Variants in ROBO1 observed in about 807,000 individuals in gnomAD.
ROBO1 encodes the protein roundabout homolog 1.
A neutral mutation model predicts 195.9 loss-of-function variants in ROBO1; 149 were observed. The ratio of observed to expected loss-of-function variants is 0.76; its 90% CI spans 0.67 to 0.87. The LOEUF (loss-of-function observed/expected upper bound fraction) is 0.87, where lower values mean the gene tolerates loss of function less well. Among genes scored for constraint, ROBO1 ranks in the 40% least tolerant of loss-of-function variants. The pLI is 0.00. For synonymous variants in ROBO1, 816 were observed against 733.2 expected (o/e 1.11, Z -1.82); for missense variants, 1,933 against 2,068.3 (o/e 0.93, Z 1.27).
chr3:79,036,767 C>G (rs2078387568), intron 3 of ROBO1, among the ~76,000 whole-genome samples: 2 of 152,088 alleles, frequency 1.3e-5, no homozygotes, highest in South Asian at 4.1e-4. Context: ...TTAAGAATTA[C>G]TGAATTATCC....
chr3:79,218,985 AT>A (rs2082096186), intron 2 of ROBO1, among the ~76,000 whole-genome samples: 1 of 152,036 alleles, frequency 6.6e-6, no homozygotes, highest in African/African-American at 2.4e-5. Flanking sequence ...CATAAACTAT[AT>A]TAAACTGCTC....
At chr3:79,227,483 C>T (rs1194550106) in intron 2 of ROBO1, among the ~76,000 whole-genome samples, 2 of 152,058 alleles carry the variant, frequency 1.3e-5, no homozygotes, top group African/African-American at 4.8e-5. Flanking sequence ...AGAATATGTC[C>T]CAGCCAAACT....
At chr3:79,717,750 C>T (rs1702547150) in intron 1 of ROBO1, among the ~76,000 whole-genome samples, 1 of 151,848 alleles carries the variant, frequency 6.6e-6, no homozygotes, top group African/African-American at 2.4e-5. Context: ...CAGTGCTATT[C>T]TGAAAAACTT....
intron 3 of ROBO1, among the ~76,000 whole-genome samples, chr3:78,991,958 A>T (rs1263698019): frequency 6.6e-6 from 1 of 152,208 alleles, no homozygotes; most frequent in African/African-American, 2.4e-5. Flanking sequence ...CCAAAATGCT[A>T]TGAAAAATGA....
rs111493021 is a variant in ROBO1 at position 79,486,050 on chromosome 3, T to C, written c.88+103774A>G. ...TCCAGTTCTGATGCTAATAATCACA[T>C]GTCCTTGAAAACATGTTATTCTTTA... On this transcript the variant is annotated intron_variant, in intron 2 of 30. Transcript: ENST00000464233. Among the ~76,000 whole-genome samples the C allele has an allele frequency of 7.2e-3, 1,090 of 152,288 alleles. 12 individuals carry two copies. The highest frequency in any genetic ancestry group is 0.024 in the African/African-American group (993 of 41,550).
chr3:79,695,807 T>A (rs1947429663), intron 1 of ROBO1, among the ~76,000 whole-genome samples: 1 of 151,410 alleles, frequency 6.6e-6, no homozygotes, highest in Non-Finnish European at 1.5e-5. Context: ...AGTAAACTAC[T>A]GGGAATATAA....
At chr3:79,456,949 A>T (rs995024820) in intron 2 of ROBO1, among the ~76,000 whole-genome samples, 2 of 152,016 alleles carry the variant, frequency 1.3e-5, no homozygotes, top group Non-Finnish European at 2.9e-5. Flanking sequence ...AGGTAAATAT[A>T]TCCCTACACT....
rs1360475084 is a variant in ROBO1 at position 79,293,895 on chromosome 3, A to G, written c.89-168356T>C. 2.0e-5 allele frequency among the ~76,000 whole-genome samples: 3 copies of G among 151,006 alleles called. No homozygotes were observed. In the East Asian group the frequency reaches 5.9e-4, roughly 30 times the overall value. ...AACACGGTGAAACCCCGTCTCTACTAAAAATACAAAAAATTAGCCGGGCGT... is the reference window on the plus strand; with the variant it reads ...AACACGGTGAAACCCCGTCTCTACTGAAAATACAAAAAATTAGCCGGGCGT... On this transcript the variant is annotated intron_variant, in intron 2 of 30. Coordinates refer to ENST00000464233, the MANE Select transcript of ROBO1 (RefSeq NM_002941.4).
chr3:79,018,851 C>CGCG lies in ROBO1; in HGVS notation c.173-79927_173-79925dup, dbSNP rs1374116935. ...GGCCGAGCGCCGCTGCGAGGGCAGG[C>CGCG]GCGGCGGCGGCGGCAAAGTTGGGGT... On this transcript the variant is annotated intron_variant, in intron 3 of 30. Coordinates refer to ENST00000464233, the MANE Select transcript of ROBO1 (RefSeq NM_002941.4). 51 of 1,003,190 alleles carry CGCG rather than the reference C, an allele frequency of 5.1e-5. No homozygotes were observed. In the African/African-American group the frequency reaches 6.5e-4, roughly 13 times the overall value. 62.1% of individuals were successfully genotyped at this position (1,003,190 alleles called of 1,614,324 possible). A position where few individuals can be genotyped will look rare whatever the true frequency, so the allele number is the denominator to read the frequency against.
intron 8 of ROBO1, among the ~76,000 whole-genome samples, chr3:78,704,784 G>A (rs1365877482): frequency 2.0e-5 from 3 of 151,976 alleles, no homozygotes; most frequent in Non-Finnish European, 4.4e-5. Context: ...CAATGCTGCA[G>A]TGAGCCATGA....
At chr3:79,141,986 G>T in intron 2 of ROBO1, among the ~76,000 whole-genome samples, 1 of 151,066 alleles carries the variant, frequency 6.6e-6, no homozygotes. Flanking sequence ...TTTTTTGTGG[G>T]GATATCTGCC....
At chr3:78,984,188 G>T (rs1241511910) in intron 3 of ROBO1, among the ~76,000 whole-genome samples, 5 of 152,148 alleles carry the variant, frequency 3.3e-5, no homozygotes, top group Non-Finnish European at 7.4e-5. Context: ...TGGTGGTGAT[G>T]ATGAGGATGA....
chr3:79,034,402 C>T (rs139874193), intron 3 of ROBO1, among the ~76,000 whole-genome samples: 12 of 152,216 alleles, frequency 7.9e-5, no homozygotes, highest in Non-Finnish European at 1.5e-4. Flanking sequence ...ACTTCTGGTG[C>T]ATGGTCTTTT....
intron 2 of ROBO1, among the ~76,000 whole-genome samples, chr3:79,404,379 T>C (rs923930725): frequency 1.2e-4 from 19 of 152,122 alleles, no homozygotes; most frequent in African/African-American, 4.6e-4. Flanking sequence ...TATGGGTGTA[T>C]ATATTAACAC....
intron 3 of ROBO1, among the ~76,000 whole-genome samples, chr3:79,035,520 G>C (rs910449138): frequency 6.6e-5 from 10 of 152,118 alleles, no homozygotes; most frequent in Non-Finnish European, 1.5e-4. Context: ...AGGAATTCAA[G>C]ACCAGCCTGA....
At chr3:79,512,451 G>A (rs1481092226) in intron 2 of ROBO1, among the ~76,000 whole-genome samples, 1 of 152,000 alleles carries the variant, frequency 6.6e-6, no homozygotes, top group African/African-American at 2.4e-5. Context: ...TAACTAATTT[G>A]GTTCTCCCAA....
chr3:79,225,167 G>C (rs1443385470), intron 2 of ROBO1, among the ~76,000 whole-genome samples: 2 of 151,510 alleles, frequency 1.3e-5, no homozygotes, highest in East Asian at 3.9e-4. Context: ...TAATTCTTTG[G>C]GGGGGAAATA....
chr3:79,396,854 G>A (rs970049992), intron 2 of ROBO1, among the ~76,000 whole-genome samples: 3 of 151,978 alleles, frequency 2.0e-5, no homozygotes, highest in African/African-American at 7.2e-5. Context: ...GTTGATTTTG[G>A]CTTTCTAAAA....
chr3:78,930,997 G>C (rs1256101086), intron 4 of ROBO1, among the ~76,000 whole-genome samples: 1 of 151,890 alleles, frequency 6.6e-6, no homozygotes, highest in East Asian at 1.9e-4. Flanking sequence ...TTATTTATTT[G>C]GCTAGTTGCT....
Sources: allele counts gnomAD v4.1 joint callset (sites outside exome capture counted in the v4.1 genomes callset), GRCh38; gene constraint gnomAD v4.1.1; transcripts MANE v1.5; gene names NCBI Gene and HGNC (gene_info 2026-07-23, HGNC 2026-07-21).